Variants in IGF2BP2 observed in about 807,000 individuals in gnomAD.
The protein encoded by IGF2BP2 is insulin like growth factor 2 mRNA binding protein 2.
A neutral mutation model predicts 75.8 loss-of-function variants in IGF2BP2; 17 were observed. The ratio of observed to expected loss-of-function variants is 0.22; its 90% CI spans 0.15 to 0.34. The LOEUF (loss-of-function observed/expected upper bound fraction) is 0.34, where lower values mean the gene tolerates loss of function less well. Ranked by LOEUF, IGF2BP2 falls within the 10% of genes least tolerant of loss-of-function variation. The pLI is 1.00. For missense variants in IGF2BP2, 516 were observed against 772.4 expected (o/e 0.67, Z 3.93); for synonymous variants, 288 against 295.6 (o/e 0.97, Z 0.26).
intron 2 of IGF2BP2, among the ~76,000 whole-genome samples, chr3:185,779,428 A>C (rs143885927): frequency 7.2e-4 from 110 of 152,332 alleles, no homozygotes; most frequent in African/African-American, 2.0e-3. Context: ...TTAAAGGTCA[A>C]GATGACTGGG....
In IGF2BP2 at chr3:185,707,295, CTTTTTTTTTTTTTTTT is replaced by C. The variant is rs1159568857; in HGVS notation, c.240-8964_240-8949del. Among the ~76,000 whole-genome samples, 33 of 39,856 alleles carry C rather than the reference CTTTTTTTTTTTTTTTT, an allele frequency of 8.3e-4. 1 individual carries two copies. Among genetic ancestry groups the C allele is most frequent in the African/African-American group, 3.3e-3 (29 of 8,908 alleles). 26.1% of individuals were successfully genotyped at this position (39,856 alleles called of 152,430 possible). ...TTATATTCAGTGTGTAACGAAGGGG[CTTTTTTTTTTTTTTTT>C]TTTTTTTTTTTTTTGAGATGGAGTC... On this transcript the variant is annotated intron_variant, in intron 2 of 15. Coordinates refer to ENST00000382199, the MANE Select transcript of IGF2BP2 (RefSeq NM_006548.6).
intron 2 of IGF2BP2, among the ~76,000 whole-genome samples, chr3:185,705,224 G>A (rs1723853283): frequency 6.6e-6 from 1 of 152,220 alleles, no homozygotes; most frequent in Admixed American, 6.5e-5. Context: ...AGCCTCCTGA[G>A]TAGCTGGGAC....
chr3:185,745,378 A>G (rs1730119446), intron 2 of IGF2BP2, among the ~76,000 whole-genome samples: 1 of 152,196 alleles, frequency 6.6e-6, no homozygotes, highest in African/African-American at 2.4e-5. Flanking sequence ...GAAAGAGAAT[A>G]AACTTTTCAA....
rs1713390747 is a variant in IGF2BP2, at chr3:185,645,684, G to A, written c.1708-61C>T. On this transcript the variant is annotated intron_variant, in intron 15 of 15. Transcript: ENST00000382199. This position sits in a 1 kb window ranked among gnomAD's most constrained non-coding sequence, Gnocchi z 4.9. ...GGGAAAAAAGGAACCCAGTTCTGAG[G>A]ACAAACGGCAGGGGAGGCTCTGGGG... The A allele has an allele frequency of 1.6e-6, 2 of 1,286,960 alleles. No individual in the cohort carries two copies. The highest frequency in any genetic ancestry group is 2.3e-6 in the Non-Finnish European group (2 of 883,450). 79.7% of individuals were successfully genotyped at this position (1,286,960 alleles called of 1,614,324 possible).
At chr3:185,717,584 C>G (rs1426435332) in intron 2 of IGF2BP2, 1 of 152,224 alleles carries the variant, frequency 6.6e-6, no homozygotes, top group Non-Finnish European at 1.5e-5. Flanking sequence ...AAAAGAAGCC[C>G]ATGGCTAAGA....
intron 12 of IGF2BP2, among the ~76,000 whole-genome samples, chr3:185,652,690 C>T (rs987013686): frequency 2.6e-5 from 4 of 152,200 alleles, no homozygotes; most frequent in African/African-American, 2.4e-5. Flanking sequence ...GCTTCCTCCA[C>T]GGCAAGTGGG....
intron 2 of IGF2BP2, among the ~76,000 whole-genome samples, chr3:185,813,184 A>G (rs953875594): frequency 3.9e-5 from 6 of 152,230 alleles, no homozygotes; most frequent in African/African-American, 1.4e-4. Context: ...AATTCAAATA[A>G]TTGAGTAACC....
intron 2 of IGF2BP2, among the ~76,000 whole-genome samples, chr3:185,778,318 T>G (rs1734780528): frequency 6.6e-6 from 1 of 152,094 alleles, no homozygotes; most frequent in Non-Finnish European, 1.5e-5. Flanking sequence ...TAACCTAATG[T>G]GTGCAACTTT....
At chr3:185,688,438 G>A (rs1721451894) in intron 6 of IGF2BP2, among the ~76,000 whole-genome samples, 1 of 152,188 alleles carries the variant, frequency 6.6e-6, no homozygotes, top group African/African-American at 2.4e-5. Flanking sequence ...CGCCTCCTGG[G>A]TTCAAGTGAT....
chr3:185,740,398 A>C (rs1434026240), intron 2 of IGF2BP2, among the ~76,000 whole-genome samples: 1 of 152,188 alleles, frequency 6.6e-6, no homozygotes, highest in Non-Finnish European at 1.5e-5. Flanking sequence ...CATTCTCAAA[A>C]CATTCACAGT....
intron 2 of IGF2BP2, among the ~76,000 whole-genome samples, chr3:185,737,262 C>T (rs990291204): frequency 6.6e-6 from 1 of 152,326 alleles, no homozygotes; most frequent in Middle Eastern, 3.4e-3. Flanking sequence ...TAAATTCCTT[C>T]CAATCTGTCA....
chr3:185,790,000 C>T (rs1295600484), intron 2 of IGF2BP2, among the ~76,000 whole-genome samples: 3 of 152,132 alleles, frequency 2.0e-5, no homozygotes, highest in African/African-American at 2.4e-5. Flanking sequence ...TCCCAAAGTG[C>T]TGAGATTACA....
intron 10 of IGF2BP2, among the ~76,000 whole-genome samples, chr3:185,669,960 G>C (rs912899368): frequency 6.6e-6 from 1 of 152,142 alleles, no homozygotes; most frequent in African/African-American, 2.4e-5. Context: ...TGCACAGGTG[G>C]GCAGTGAGGG....
chr3:185,695,011 C>T (rs1179093540), intron 4 of IGF2BP2, among the ~76,000 whole-genome samples: 8 of 152,106 alleles, frequency 5.3e-5, no homozygotes, highest in East Asian at 1.9e-4. Context: ...TGCTTGAACC[C>T]GGGAGGTGGA....
At chr3:185,655,504 G>A (rs1406846127) in intron 12 of IGF2BP2, among the ~76,000 whole-genome samples, 1 of 152,234 alleles carries the variant, frequency 6.6e-6, no homozygotes, top group Non-Finnish European at 1.5e-5. Context: ...GAGCGAGGCA[G>A]GGGCTGGGGA....
At chr3:185,824,174 T>G (rs1578429152) in intron 1 of IGF2BP2, among the ~76,000 whole-genome samples, 1 of 109,746 alleles carries the variant, frequency 9.1e-6, no homozygotes, top group Non-Finnish European at 1.9e-5. Flanking sequence ...GGGCTGGGGC[T>G]GGGGGAGCCC....
chr3:185,724,041 C>T (rs372630477), intron 2 of IGF2BP2, among the ~76,000 whole-genome samples: 1 of 152,192 alleles, frequency 6.6e-6, no homozygotes, highest in East Asian at 1.9e-4. Flanking sequence ...CGTGGGGCTG[C>T]AATGAGCATG....
At chr3:185,716,964 C>T in intron 2 of IGF2BP2, 1 of 388,426 alleles carries the variant, frequency 2.6e-6, no homozygotes, top group Non-Finnish European at 5.0e-6. Flanking sequence ...CTCATCCCAC[C>T]ACCCAGTACT....
chr3:185,731,663 T>C (rs1350344492), intron 2 of IGF2BP2, among the ~76,000 whole-genome samples: 2 of 152,040 alleles, frequency 1.3e-5, no homozygotes, highest in Non-Finnish European at 2.9e-5. Flanking sequence ...CTTTAAGGCT[T>C]AATGACAATA....
Sources: gnomAD v4.1 joint callset for allele counts (sites outside exome capture counted in the v4.1 genomes callset) on GRCh38, gnomAD v4.1.1 for gene constraint, Gnocchi (gnomAD v3.1) non-coding constraint, MANE v1.5 for transcripts, NCBI Gene and HGNC (gene_info 2026-07-23, HGNC 2026-07-21) for gene names.